Variants in ZNF148 observed in about 807,000 individuals in gnomAD.
The protein encoded by ZNF148 is Beta-Enolase Repressor Factor-1.
A neutral mutation model predicts 67.7 loss-of-function variants in ZNF148; 7 were observed. The observed-to-expected ratio is 0.10, with a 90% CI of 0.06 to 0.19. The LOEUF is 0.19. Ranked by LOEUF, ZNF148 falls within the 10% of genes least tolerant of loss-of-function variation. ZNF148 has a pLI of 1.00. For synonymous variants in ZNF148, 333 were observed against 330.7 expected (o/e 1.01, Z -0.08); for missense variants, 583 against 947.1 (o/e 0.62, Z 5.05).
chr3:125,371,372 A>AGGGG (rs59807253), intron 1 of ZNF148, among the ~76,000 whole-genome samples: 36 of 65,354 alleles, frequency 5.5e-4, no homozygotes, highest in Non-Finnish European at 6.6e-4. Context: ...AAAAAAAAAA[A>AGGGG]GGGGGGGGGG....
chr3:125,283,716 C>T (rs1938512861), intron 5 of ZNF148, among the ~76,000 whole-genome samples: 1 of 152,058 alleles, frequency 6.6e-6, no homozygotes, highest in Non-Finnish European at 1.5e-5. Context: ...TAGAAGAAAG[C>T]ATGGCAAATG....
At chr3:125,255,068 G>T (rs1937010557) in intron 7 of ZNF148, among the ~76,000 whole-genome samples, 1 of 151,834 alleles carries the variant, frequency 6.6e-6, no homozygotes. Context: ...GACAATACTA[G>T]GATCTTGGAG....
At chr3:125,301,290 T>C (rs1007151245) in intron 4 of ZNF148, among the ~76,000 whole-genome samples, 3 of 152,198 alleles carry the variant, frequency 2.0e-5, no homozygotes, top group Admixed American at 2.0e-4. Context: ...GCCAGGAGTT[T>C]GAGACCAGCC....
At chr3:125,251,025 ATTTC>A (rs1351660198) in intron 7 of ZNF148, among the ~76,000 whole-genome samples, 11 of 152,140 alleles carry the variant, frequency 7.2e-5, no homozygotes, top group African/African-American at 1.7e-4. Context: ...CCTTCTCATT[ATTTC>A]TTTCTTTGCT....
rs1937831505 is a variant in ZNF148 at position 125,272,877 on chromosome 3, G to A, written c.667+4849C>T. Among the ~76,000 whole-genome samples, 3 of 152,106 alleles carry A rather than the reference G, an allele frequency of 2.0e-5. No homozygotes were observed. The South Asian group carries it at 6.2e-4, about 31-fold the overall frequency. On this transcript the variant is annotated intron_variant, in intron 7 of 8. Coordinates refer to ENST00000360647, the MANE Select transcript of ZNF148 (RefSeq NM_021964.3). ...TACTTCTCTGCTTAATACTTCCTTG[G>A]CAAGCTCTGTCCATGCCAGTGCAGT...
intron 4 of ZNF148, 40 bp downstream of exon 4, chr3:125,313,268 T>A: frequency 6.6e-7 from 1 of 1,524,716 alleles, no homozygotes; most frequent in Non-Finnish European, 8.9e-7. Flanking sequence ...AACAAAAAAT[T>A]ATGTTTCTAA....
chr3:125,305,405 T>C (rs141890362), intron 4 of ZNF148, among the ~76,000 whole-genome samples: 2 of 152,196 alleles, frequency 1.3e-5, no homozygotes, highest in African/African-American at 4.8e-5. Flanking sequence ...AAATTCAACA[T>C]GTAATTTTGA....
intron 1 of ZNF148, among the ~76,000 whole-genome samples, chr3:125,332,448 A>C (rs1235394033): frequency 6.6e-6 from 1 of 152,216 alleles, no homozygotes; most frequent in Non-Finnish European, 1.5e-5. Context: ...AAATGGGTAA[A>C]GTAAAGCTAA....
chr3:125,260,052 G>A (rs986532209), intron 7 of ZNF148, among the ~76,000 whole-genome samples: 1 of 152,326 alleles, frequency 6.6e-6, no homozygotes, highest in East Asian at 1.9e-4. Flanking sequence ...TGGTGGAGCA[G>A]TTGGAACACA....
chr3:125,347,494 C>G (rs1344471867), intron 1 of ZNF148, among the ~76,000 whole-genome samples: 1 of 152,006 alleles, frequency 6.6e-6, no homozygotes, highest in Non-Finnish European at 1.5e-5. Flanking sequence ...ACATATAGAT[C>G]AAGGAATAGA....
At chr3:125,234,986 C>T (rs950034911) in intron 7 of ZNF148, among the ~76,000 whole-genome samples, 1 of 152,126 alleles carries the variant, frequency 6.6e-6, no homozygotes, top group Non-Finnish European at 1.5e-5. Context: ...GATTCATAGT[C>T]AGGTGTGTTA....
At chr3:125,341,638 C>T (rs1397092091) in intron 1 of ZNF148, among the ~76,000 whole-genome samples, 1 of 151,736 alleles carries the variant, frequency 6.6e-6, no homozygotes, top group African/African-American at 2.4e-5. Flanking sequence ...TAAATAAAAA[C>T]TAAAAAGAAA....
At position 125,225,882 on chromosome 3, in the gene ZNF148, C is replaced by CATTG. The variant is rs2107814472; in HGVS notation, c.*6455_*6458dup. Reference sequence around the variant, plus strand: ...ATAAGGCCAGGGTCCTAGGACTGATCATTGCGAGGGCCAATTAGTTTAAAT... The same window carrying CATTG: ...ATAAGGCCAGGGTCCTAGGACTGATCATTGATTGCGAGGGCCAATTAGTTTAAAT... On this transcript the variant is annotated 3_prime_UTR_variant, in exon 9 of 9. Transcript: ENST00000360647. 6.6e-6 allele frequency: 1 copy of CATTG among 152,154 alleles called. No homozygotes were observed. Among genetic ancestry groups the CATTG allele is most frequent in the East Asian group, 1.9e-4 (1 of 5,204 alleles). 9.4% of individuals were successfully genotyped at this position (152,154 alleles called of 1,614,324 possible). A position where few individuals can be genotyped will look rare whatever the true frequency, so the allele number is the denominator to read the frequency against.
chr3:125,241,201 C>T (rs1936338152), intron 7 of ZNF148, among the ~76,000 whole-genome samples: 2 of 151,960 alleles, frequency 1.3e-5, no homozygotes, highest in African/African-American at 4.8e-5. Flanking sequence ...AATCAAAACA[C>T]TTAAAAAGAG....
At chr3:125,337,011 T>G (rs1324408036) in intron 1 of ZNF148, among the ~76,000 whole-genome samples, 9 of 110,970 alleles carry the variant, frequency 8.1e-5, no homozygotes, top group African/African-American at 2.3e-4. Context: ...CCATTTCTAC[T>G]CTCACAAAAA....
chr3:125,353,623 C>CT (rs1167971594), intron 1 of ZNF148, among the ~76,000 whole-genome samples: 1 of 151,774 alleles, frequency 6.6e-6, no homozygotes, highest in African/African-American at 2.4e-5. Context: ...AGGTTTTTTC[C>CT]TTTTTTTATA....
intron 7 of ZNF148, among the ~76,000 whole-genome samples, chr3:125,251,042 TTTC>T (rs1407098852): frequency 1.3e-5 from 2 of 152,232 alleles, no homozygotes; most frequent in Non-Finnish European, 2.9e-5. Flanking sequence ...TCTTTGCTAC[TTTC>T]TTATTTTAGG....
intron 1 of ZNF148, among the ~76,000 whole-genome samples, chr3:125,332,957 G>C (rs1212287714): frequency 6.6e-6 from 1 of 151,924 alleles, no homozygotes; most frequent in Non-Finnish European, 1.5e-5. Context: ...CTAATTACAA[G>C]AATAAAATTG....
At chr3:125,365,388 A>T (rs1230492009) in intron 1 of ZNF148, among the ~76,000 whole-genome samples, 1 of 152,204 alleles carries the variant, frequency 6.6e-6, no homozygotes, top group African/African-American at 2.4e-5. Flanking sequence ...CCACGTATTT[A>T]GTTTCTATCA....
Sources: allele counts gnomAD v4.1 joint callset (sites outside exome capture counted in the v4.1 genomes callset), GRCh38; gene constraint gnomAD v4.1.1; transcripts MANE v1.5; gene names NCBI Gene and HGNC (gene_info 2026-07-23, HGNC 2026-07-21).